The following MAP4K4 variants were observed in gnomAD, a reference collection of about 807,000 sequenced individuals.
MAP4K4 encodes HPK/GCK-like kinase HGK.
A neutral mutation model predicts 189.6 loss-of-function variants in MAP4K4; 38 were observed. The ratio of observed to expected loss-of-function variants is 0.20; its 90% CI spans 0.15 to 0.26. The LOEUF is 0.26. Ranked by LOEUF, MAP4K4 falls within the 10% of genes least tolerant of loss-of-function variation. The probability of loss-of-function intolerance (pLI) is 1.00; values close to 1 mark genes in which losing one functional copy is unlikely to be tolerated. For missense variants in MAP4K4, 1,054 were observed against 1,726.9 expected (o/e 0.61, Z 6.91); for synonymous variants, 610 against 624.3 (o/e 0.98, Z 0.34).
At chr2:101,713,121 T>C (rs1276223831) in intron 2 of MAP4K4, among the ~76,000 whole-genome samples, 1 of 151,212 alleles carries the variant, frequency 6.6e-6, no homozygotes, top group Non-Finnish European at 1.5e-5. Flanking sequence ...GCCAGACTGA[T>C]CTCAAACTCC....
At position 101,870,172 on chromosome 2, in the gene MAP4K4, T is replaced by C. The variant is rs189295017; in HGVS notation, c.2640-123T>C. 3,790 of 995,670 alleles carry C rather than the reference T, an allele frequency of 3.8e-3. 17 individuals carry two copies. The highest frequency in any genetic ancestry group is 4.7e-3 in the Non-Finnish European group (3,244 of 689,410). 61.7% of individuals were successfully genotyped at this position (995,670 alleles called of 1,614,324 possible). On this transcript the variant is annotated intron_variant, in intron 22 of 32. Transcript: ENST00000324219. ...GGAGAAAGCTAAGCAGTTGCTTTTT[T>C]GGAGGAGGCTTTATATCGGTAGCCT... is the stretch of plus-strand genomic sequence containing the variant.
At chr2:101,707,211 T>C (rs561444051) in intron 2 of MAP4K4, among the ~76,000 whole-genome samples, 1 of 150,506 alleles carries the variant, frequency 6.6e-6, no homozygotes, top group South Asian at 2.1e-4. Context: ...TTTTATTTTA[T>C]CTTTTTTTTT....
chr2:101,741,403 C>G (rs970091182), intron 2 of MAP4K4, among the ~76,000 whole-genome samples: 2 of 151,958 alleles, frequency 1.3e-5, no homozygotes, highest in Admixed American at 6.6e-5. Context: ...CTCCTGACCT[C>G]GTGATCTGCC....
chr2:101,734,798 A>G (rs1043533624), intron 2 of MAP4K4, among the ~76,000 whole-genome samples: 3 of 152,142 alleles, frequency 2.0e-5, no homozygotes, highest in Admixed American at 1.3e-4. Context: ...TGTTCAGGGA[A>G]TAGCATGATC....
chr2:101,713,818 C>T (rs560149553), intron 2 of MAP4K4, among the ~76,000 whole-genome samples: 144 of 151,962 alleles, frequency 9.5e-4, no homozygotes, highest in African/African-American at 3.4e-3. Flanking sequence ...TGCTGGAACC[C>T]GGGAGACGGA....
intron 2 of MAP4K4, among the ~76,000 whole-genome samples, chr2:101,757,602 A>G (rs1029773629): frequency 6.6e-6 from 1 of 152,088 alleles, no homozygotes; most frequent in Non-Finnish European, 1.5e-5. Context: ...ACATTCCAAG[A>G]CCCCCAGTGG....
At chr2:101,760,974 G>T (rs1290995519) in intron 2 of MAP4K4, among the ~76,000 whole-genome samples, 1 of 152,228 alleles carries the variant, frequency 6.6e-6, no homozygotes, top group Admixed American at 6.5e-5. Flanking sequence ...TTGCACTCCA[G>T]TGTGGGCAAC....
intron 2 of MAP4K4, among the ~76,000 whole-genome samples, chr2:101,742,986 A>G (rs2063530555): frequency 6.6e-6 from 1 of 152,128 alleles, no homozygotes; most frequent in Non-Finnish European, 1.5e-5. Flanking sequence ...AAGAGGTTTT[A>G]TTTACTTTAA....
chr2:101,708,736 T>C (rs780292687), intron 2 of MAP4K4, among the ~76,000 whole-genome samples: 2 of 152,236 alleles, frequency 1.3e-5, no homozygotes, highest in African/African-American at 2.4e-5. Context: ...ACTTTGATCA[T>C]GCCAGTTAGA....
At chr2:101,796,217 G>A (rs1211258716) in intron 3 of MAP4K4, among the ~76,000 whole-genome samples, 2 of 152,144 alleles carry the variant, frequency 1.3e-5, no homozygotes, top group Non-Finnish European at 2.9e-5. Flanking sequence ...TAAAGCAGGG[G>A]ATTCTCAAAA....
intron 2 of MAP4K4, among the ~76,000 whole-genome samples, chr2:101,777,021 T>G (rs1476855990): frequency 6.6e-6 from 1 of 152,200 alleles, no homozygotes; most frequent in East Asian, 1.9e-4. Flanking sequence ...AGCCAGGCTT[T>G]GCCAATATAG....
intron 2 of MAP4K4, among the ~76,000 whole-genome samples, chr2:101,759,575 TCTCTCCCCTCCCCATTCACCTCCCCA>T (rs2075017482): frequency 8.3e-5 from 1 of 12,006 alleles, no homozygotes; most frequent in East Asian, 3.6e-3. Flanking sequence ...ATTCCCCTCC[TCTCTCCCCTCCCCATTCACCTCCCCA>T]TTCCCCTTCC....
chr2:101,751,803 C>G (rs80224032), intron 2 of MAP4K4, among the ~76,000 whole-genome samples: 15 of 152,290 alleles, frequency 9.8e-5, no homozygotes, highest in African/African-American at 3.6e-4. Flanking sequence ...TATCTGCCTT[C>G]AAGGTATGAA....
At chr2:101,723,055 C>T (rs572297972) in intron 2 of MAP4K4, among the ~76,000 whole-genome samples, 4 of 152,270 alleles carry the variant, frequency 2.6e-5, no homozygotes, top group Non-Finnish European at 1.5e-5. Flanking sequence ...CTTCACAAGG[C>T]GTCAGGAGGG....
At position 101,805,729 on chromosome 2, in the gene MAP4K4, A is replaced by G. The variant is rs554380403; in HGVS notation, c.180+14953A>G. Among the ~76,000 whole-genome samples, 5 of 152,358 alleles carry G rather than the reference A, an allele frequency of 3.3e-5. No homozygotes were observed. The East Asian group carries it at 9.6e-4, about 29-fold the overall frequency. On this transcript the variant is annotated intron_variant, in intron 3 of 32. Coordinates refer to ENST00000324219, the Ensembl canonical transcript of MAP4K4. ...ATCTTAACTGCAGGAGTCCTGAGAA[A>G]GAGCAGATGACGTTGCTGGCGTGTG...
At chr2:101,835,367 A>T (rs1336323197) in intron 8 of MAP4K4, among the ~76,000 whole-genome samples, 5 of 152,226 alleles carry the variant, frequency 3.3e-5, no homozygotes, top group Non-Finnish European at 4.4e-5. Context: ...TGTGCCTAAC[A>T]CACCTTTATT....
At chr2:101,772,201 A>T (rs2081817285) in intron 2 of MAP4K4, among the ~76,000 whole-genome samples, 1 of 152,362 alleles carries the variant, frequency 6.6e-6, no homozygotes, top group South Asian at 2.1e-4. Context: ...TTTGTACTCA[A>T]CGTCTCAGCC....
chr2:101,784,679 G>A (rs116189129), intron 2 of MAP4K4, among the ~76,000 whole-genome samples: 2,603 of 152,202 alleles, frequency 0.017, 63 homozygotes, highest in African/African-American at 0.059. Flanking sequence ...TATTCAAGAA[G>A]AAAAAGGCCA....
At chr2:101,785,698 CT>C (rs2090474856) in intron 2 of MAP4K4, among the ~76,000 whole-genome samples, 1 of 3,990 alleles carries the variant, frequency 2.5e-4, no homozygotes, top group Non-Finnish European at 4.0e-4. Flanking sequence ...CTCTCTCTCT[CT>C]CTCTCTCTCT....
Sources: gnomAD v4.1 joint callset for allele counts (sites outside exome capture counted in the v4.1 genomes callset) on GRCh38, gnomAD v4.1.1 for gene constraint, MANE v1.5 for transcripts, NCBI Gene and HGNC (gene_info 2026-07-23, HGNC 2026-07-21) for gene names.